SLC2A7: variants seen among roughly 807,000 people sequenced by gnomAD.
The protein encoded by SLC2A7 is solute carrier family 2, facilitated glucose transporter member 7.
SLC2A7 carries 50 observed loss-of-function variants against 50.5 expected under a neutral mutation model. That is an observed-to-expected ratio of 0.99 (90% CI 0.79 to 1.25). The LOEUF (loss-of-function observed/expected upper bound fraction) is 1.25, where lower values mean the gene tolerates loss of function less well. Among genes scored for constraint, SLC2A7 ranks in the 50% most tolerant of loss-of-function variants. SLC2A7 has a pLI of 0.00. For synonymous variants in SLC2A7, 308 were observed against 300.4 expected (o/e 1.03, Z -0.26); for missense variants, 683 against 679.1 (o/e 1.01, Z -0.06).
the SLC2A7 span, among the ~76,000 whole-genome samples, chr1:8,993,773 G>T: frequency 6.6e-6 from 1 of 152,156 alleles, no homozygotes; most frequent in Non-Finnish European, 1.5e-5. Context: ...GACTACAGGT[G>T]TGCGTCACCA....
chr1:8,996,552 G>C, the SLC2A7 span, among the ~76,000 whole-genome samples: 1 of 152,188 alleles, frequency 6.6e-6, no homozygotes, highest in African/African-American at 2.4e-5. Context: ...GATTGGAATG[G>C]CTGTGTCATG....
At chr1:9,018,021 G>GCTT (rs1640855307) in intron 5 of SLC2A7, among the ~76,000 whole-genome samples, 1 of 151,900 alleles carries the variant, frequency 6.6e-6, no homozygotes, top group Non-Finnish European at 1.5e-5. Context: ...CTCAGAGCCC[G>GCTT]ATTCCCATTC....
At chr1:9,018,453 A>G (rs746741148) in intron 4 of SLC2A7, 78 bp from the exon 5 acceptor site, 253 of 1,563,094 alleles carry the variant, frequency 1.6e-4, no homozygotes, top group Non-Finnish European at 2.1e-4. Flanking sequence ...TCCGTTTCCT[A>G]ATCCCGGGGC....
At position 9,018,210 on chromosome 1, in the gene SLC2A7, G is replaced by C. The variant is rs771563207; in HGVS notation, c.589+13C>G. 1 of 1,613,832 alleles carries C rather than the reference G, an allele frequency of 6.2e-7. No homozygotes were observed. Among genetic ancestry groups the C allele is most frequent in the Non-Finnish European group, 8.5e-7 (1 of 1,179,986 alleles). On this transcript the variant is annotated intron_variant, in intron 5 of 11. Coordinates refer to ENST00000400906, the MANE Select transcript of SLC2A7 (RefSeq NM_207420.3). ...AGACTGGACCTAGCGTGACCTCTGC[G>C]GCTGCCGGTTACCTGCCGGGTTGCC...
In SLC2A7 at chr1:9,021,733, G is replaced by A. The variant is rs150546544; in HGVS notation, c.311+1185C>T. Among the ~76,000 whole-genome samples, 650 of 152,236 alleles carry A rather than the reference G, an allele frequency of 4.3e-3. 1 individual carries two copies. Among genetic ancestry groups the A allele is most frequent in the Admixed American group, 6.9e-3 (106 of 15,294 alleles). ...AGGCCCAAAAAGACTAAGCAGCCCCGACACGTTCCCACCCTTCTCTGGACT... is the reference window on the plus strand; with the variant it reads ...AGGCCCAAAAAGACTAAGCAGCCCCAACACGTTCCCACCCTTCTCTGGACT... On this transcript the variant is annotated intron_variant, in intron 3 of 11. Transcript: ENST00000400906.
At chr1:9,024,931 C>G (rs768559490) in intron 2 of SLC2A7, 45 bp downstream of exon 2, 1 of 1,595,902 alleles carries the variant, frequency 6.3e-7, no homozygotes, top group East Asian at 2.3e-5. Context: ...CCCACGACCC[C>G]GGTCAGCTGC....
the SLC2A7 span, among the ~76,000 whole-genome samples, chr1:8,995,418 A>T: frequency 6.6e-6 from 1 of 151,296 alleles, no homozygotes; most frequent in African/African-American, 2.4e-5. Context: ...ACTGCACTCC[A>T]GCCTGGGCGA....
Position 9,008,375 on chromosome 1 carries a change from G to T in SLC2A7, c.1117-990C>A, listed in dbSNP as rs558071555. 3.3e-5 allele frequency among the ~76,000 whole-genome samples: 5 copies of T among 152,152 alleles called. No individual in the cohort carries two copies. The highest frequency in any genetic ancestry group is 3.3e-4 in the Admixed American group (5 of 15,272). On this transcript the variant is annotated intron_variant, in intron 9 of 11. Transcript: ENST00000400906. This position sits in a 1 kb window ranked among gnomAD's most constrained non-coding sequence, Gnocchi z 5.9. ...GCCATTCAACACTTCAAGCAAAAGC[G>T]AGGCTGGCTGGGTTGGTGGGGCCGC...
chr1:8,999,434 T>C (rs145822976), downstream of SLC2A7, among the ~76,000 whole-genome samples: 2 of 152,378 alleles, frequency 1.3e-5, no homozygotes, highest in Non-Finnish European at 2.9e-5. Context: ...CCTGGCTGTA[T>C]TCTACTGGGC....
the SLC2A7 span, among the ~76,000 whole-genome samples, chr1:8,995,230 C>T: frequency 2.6e-3 from 393 of 151,488 alleles, 2 homozygotes; most frequent in African/African-American, 9.1e-3. Flanking sequence ...GGGTGGATCA[C>T]GAGATCAGGA....
rs113303957 is a variant in SLC2A7 at position 9,023,766 on chromosome 1, GAA to G, written c.151-690_151-689del. On this transcript the variant is annotated intron_variant, in intron 2 of 11. Coordinates refer to ENST00000400906, the MANE Select transcript of SLC2A7 (RefSeq NM_207420.3). ...TATTAAAAAAGAAGAGAAAAGAAAAGAAAAAAAAAATTTTACTTTTGAGAGAC... is the reference window on the plus strand; with the variant it reads ...TATTAAAAAAGAAGAGAAAAGAAAAGAAAAAAAATTTTACTTTTGAGAGAC... 4.3e-5 allele frequency among the ~76,000 whole-genome samples: 6 copies of G among 138,908 alleles called. No homozygotes were observed. The East Asian group carries it at 6.0e-4, about 14-fold the overall frequency. The allele number at this position is 138,908 out of a possible 152,430, so 91.1% of individuals were successfully genotyped here.
At chr1:8,997,924 T>C in the SLC2A7 span, among the ~76,000 whole-genome samples, 2 of 152,228 alleles carry the variant, frequency 1.3e-5, no homozygotes, top group Admixed American at 1.3e-4. Flanking sequence ...CTCACAAAGA[T>C]TTATCTCCTA....
intron 10 of SLC2A7, among the ~76,000 whole-genome samples, chr1:9,006,017 A>G (rs1395239688): frequency 6.6e-6 from 1 of 152,080 alleles, no homozygotes; most frequent in African/African-American, 2.4e-5. Context: ...AGCAGCCAAT[A>G]GTCCTTAGGT....
Position 9,022,973 on chromosome 1 carries a change from G to T in SLC2A7, c.256C>A (p.Leu86Met). The T allele has an allele frequency of 1.2e-6, 2 of 1,614,166 alleles. No homozygotes were observed. Among genetic ancestry groups the T allele is most frequent in the Non-Finnish European group, 1.7e-6 (2 of 1,180,010 alleles). The change falls in exon 3 of 12, where the codon CTG becomes ATG. Residue 86 changes from leucine (L) to methionine (M), a missense_variant. Transcript: ENST00000400906. ...LWSCTVSMFP[L>M]GGLLGSLLVG... ...AGCAATGACCCCAACAGGCCGCCCA[G>T]AGGAAACATGGAGACGGTGCAAGAC...
At chr1:8,999,673 G>T (rs1640549741), downstream of SLC2A7, among the ~76,000 whole-genome samples, 1 of 152,246 alleles carries the variant, frequency 6.6e-6, no homozygotes, top group South Asian at 2.1e-4. Flanking sequence ...CCACAGGAAA[G>T]GCTGTGGGAA....
intron 10 of SLC2A7, among the ~76,000 whole-genome samples, chr1:9,006,877 AGT>A (rs1337015051): frequency 6.6e-6 from 1 of 152,184 alleles, no homozygotes; most frequent in Non-Finnish European, 1.5e-5. Context: ...CATTGGGGAC[AGT>A]GTAATAAGGG....
chr1:9,024,739 C>G (rs1640968691), intron 2 of SLC2A7, among the ~76,000 whole-genome samples: 1 of 152,114 alleles, frequency 6.6e-6, no homozygotes, highest in African/African-American at 2.4e-5. Context: ...GAACAGGTCC[C>G]CCAGCATCCC....
rs1640690964 is a variant in SLC2A7 at position 9,008,444 on chromosome 1, G to A, written c.1117-1059C>T. The stretch of plus-strand genomic sequence containing the variant: ...CGAGCAGCTGCTGCTGCATTTTCAG[G>A]CAGAGCCCCTGGTTGGACAGAAGGA... On this transcript the variant is annotated intron_variant, in intron 9 of 11. Transcript: ENST00000400906. This position sits in a 1 kb window ranked among gnomAD's most constrained non-coding sequence, Gnocchi z 5.9. Among the ~76,000 whole-genome samples the A allele has an allele frequency of 3.9e-5, 6 of 152,200 alleles. No individual in the cohort carries two copies. The highest frequency in any genetic ancestry group is 5.9e-5 in the Non-Finnish European group (4 of 68,032).
At chr1:9,016,200 A>G (rs979262409) in intron 5 of SLC2A7, among the ~76,000 whole-genome samples, 2 of 152,166 alleles carry the variant, frequency 1.3e-5, no homozygotes, top group African/African-American at 4.8e-5. Context: ...TTCATGGAGC[A>G]CCCTCCAGGT....
Sources: gnomAD v4.1 joint callset for allele counts (sites outside exome capture counted in the v4.1 genomes callset) on GRCh38, gnomAD v4.1.1 for gene constraint, Gnocchi (gnomAD v3.1) non-coding constraint, MANE v1.5 for transcripts, NCBI Gene and HGNC (gene_info 2026-07-23, HGNC 2026-07-21) for gene names.